Variants in FKBP5 observed in about 807,000 individuals in gnomAD.
FKBP5 encodes FKBP prolyl isomerase 5.
Under a neutral mutation model 50.5 loss-of-function variants are expected in FKBP5, and 23 were observed. The ratio of observed to expected loss-of-function variants is 0.46; its 90% CI spans 0.33 to 0.65. The LOEUF (loss-of-function observed/expected upper bound fraction) is 0.65, where lower values mean the gene tolerates loss of function less well. FKBP5 is among the 30% of genes least tolerant of loss of function. The pLI is 0.02. For missense variants in FKBP5, 411 were observed against 553.1 expected (o/e 0.74, Z 2.58); for synonymous variants, 176 against 190.6 (o/e 0.92, Z 0.63).
intron 3 of FKBP5, among the ~76,000 whole-genome samples, chr6:35,623,562 G>A (rs1426631189): frequency 6.6e-6 from 1 of 151,798 alleles, no homozygotes; most frequent in Non-Finnish European, 1.5e-5. Flanking sequence ...TTTACGAAAT[G>A]GCTACATCAC....
chr6:35,675,163 T>A (rs1421074978), intron 1 of FKBP5, among the ~76,000 whole-genome samples: 3 of 152,240 alleles, frequency 2.0e-5, no homozygotes, highest in African/African-American at 7.2e-5. Context: ...CATGTTATAG[T>A]TGAGGAAACT....
intron 1 of FKBP5, among the ~76,000 whole-genome samples, chr6:35,679,498 A>G (rs550713620): frequency 6.6e-6 from 1 of 152,374 alleles, no homozygotes; most frequent in East Asian, 1.9e-4. Flanking sequence ...GACATCTGTC[A>G]TTCTTCAAAG....
At chr6:35,688,586 C>A (rs1352659938) in intron 1 of FKBP5, 10 of 150,876 alleles carry the variant, frequency 6.6e-5, no homozygotes, top group Non-Finnish European at 1.2e-4. Context: ...CCCTGGGGCG[C>A]GGCGAGGGGC....
chr6:35,591,259 G>T, intron 6 of FKBP5, 39 bp from the exon 7 acceptor site: 1 of 1,403,282 alleles, frequency 7.1e-7, no homozygotes, highest in Non-Finnish European at 1.0e-6. Context: ...TAAAAGGATT[G>T]GTGTATTTCC....
chr6:35,726,933 A>G (rs1318358750), intron 1 of FKBP5, among the ~76,000 whole-genome samples: 1 of 152,220 alleles, frequency 6.6e-6, no homozygotes, highest in Non-Finnish European at 1.5e-5. Flanking sequence ...GAAGAACAGG[A>G]TTAGTAAACA....
chr6:35,633,800 G>A (rs910300045), intron 3 of FKBP5, among the ~76,000 whole-genome samples: 4 of 152,030 alleles, frequency 2.6e-5, no homozygotes, highest in African/African-American at 9.7e-5. Context: ...GCTCTCCACA[G>A]ACTTCTTTTT....
At chr6:35,606,926 C>A (rs1360721021) in intron 5 of FKBP5, among the ~76,000 whole-genome samples, 1 of 152,106 alleles carries the variant, frequency 6.6e-6, no homozygotes, top group Non-Finnish European at 1.5e-5. Context: ...GACATGTTTA[C>A]TGCAGCATTG....
chr6:35,719,872 C>T (rs1054348430), intron 2 of FKBP5, among the ~76,000 whole-genome samples: 1 of 152,204 alleles, frequency 6.6e-6, no homozygotes, highest in African/African-American at 2.4e-5. Flanking sequence ...GGGGGGTTTC[C>T]GTACCCGGCC....
intron 2 of FKBP5, among the ~76,000 whole-genome samples, chr6:35,641,252 G>A (rs751205661): frequency 6.6e-6 from 1 of 152,078 alleles, no homozygotes; most frequent in Non-Finnish European, 1.5e-5. Flanking sequence ...CAGGGTGCTG[G>A]GATTACAGGC....
chr6:35,582,635 C>T, intron 8 of FKBP5: 1 of 980,894 alleles, frequency 1.0e-6, no homozygotes, highest in Non-Finnish European at 1.2e-6. Context: ...GTTGTTGAAG[C>T]CACCCAGTGT....
intron 1 of FKBP5, among the ~76,000 whole-genome samples, chr6:35,688,335 G>T (rs1765895162): frequency 6.6e-6 from 1 of 152,130 alleles, no homozygotes; most frequent in Non-Finnish European, 1.5e-5. Context: ...ACCCGAAAGC[G>T]AAGTTTGGCT....
At position 35,637,102 on chromosome 6, in the gene FKBP5, A is replaced by G. The variant is rs1188335479; in HGVS notation, c.162T>C (p.Tyr54=). The G allele has an allele frequency of 3.1e-6, 5 of 1,611,634 alleles. No homozygotes were observed. The highest frequency in any genetic ancestry group is 4.2e-6 in the Non-Finnish European group (5 of 1,179,498). ...EETPMIGDKV[Y]VHYKGKLSNG... Reference sequence around the variant, plus strand: ...TTGACAATTTTCCTTTGTAATGGACATAAACTTTGTCTCCAATCATCGGCG... The same window carrying G: ...TTGACAATTTTCCTTTGTAATGGACGTAAACTTTGTCTCCAATCATCGGCG... Residue 54 remains tyrosine (Y), a synonymous_variant, in exon 3 of 11, where the codon TAT becomes TAC. Coordinates refer to ENST00000357266, the MANE Select transcript of FKBP5 (RefSeq NM_004117.4).
At chr6:35,624,984 C>A (rs1240586380) in intron 3 of FKBP5, among the ~76,000 whole-genome samples, 3 of 152,222 alleles carry the variant, frequency 2.0e-5, no homozygotes, top group Non-Finnish European at 4.4e-5. Flanking sequence ...TATATGCAAA[C>A]AGAATGGAGA....
chr6:35,685,005 G>A (rs1327599652), intron 1 of FKBP5, among the ~76,000 whole-genome samples: 2 of 151,478 alleles, frequency 1.3e-5, no homozygotes, highest in African/African-American at 4.9e-5. Context: ...AGTCTGCAGT[G>A]AGCCATGATG....
At chr6:35,670,686 C>T (rs1434073288) in intron 1 of FKBP5, among the ~76,000 whole-genome samples, 2 of 150,056 alleles carry the variant, frequency 1.3e-5, no homozygotes, top group African/African-American at 2.5e-5. Flanking sequence ...GAGAAAAGAT[C>T]GTGCCACTGC....
intron 5 of FKBP5, among the ~76,000 whole-genome samples, chr6:35,600,072 T>A (rs531901545): frequency 4.5e-4 from 68 of 152,330 alleles, no homozygotes; most frequent in African/African-American, 1.6e-3. Flanking sequence ...TACTGAATAT[T>A]GTAGGCAACT....
chr6:35,621,397 C>T (rs747231860), intron 3 of FKBP5, among the ~76,000 whole-genome samples: 1 of 151,950 alleles, frequency 6.6e-6, no homozygotes, highest in Non-Finnish European at 1.5e-5. Flanking sequence ...CCAAGACAGG[C>T]GGATCACTTG....
chr6:35,623,102 C>T (rs1241264188), intron 3 of FKBP5, among the ~76,000 whole-genome samples: 1 of 152,126 alleles, frequency 6.6e-6, no homozygotes, highest in African/African-American at 2.4e-5. Flanking sequence ...ATTAGCCAGG[C>T]GTGGTGGCTA....
rs550437689 is a variant in FKBP5, at chr6:35,685,060, C to CA, written c.-20+3743dup. On this transcript the variant is annotated intron_variant, in intron 1 of 10. Transcript: ENST00000357266. Reference sequence around the variant, plus strand: ...TGGGCAATAAAGCAAGACCCCGACTCAAAAAAAAAAAGACTAGAAGTAAAT... The same window carrying CA: ...TGGGCAATAAAGCAAGACCCCGACTCAAAAAAAAAAAAGACTAGAAGTAAAT... Among the ~76,000 whole-genome samples the CA allele has an allele frequency of 4.8e-3, 629 of 130,460 alleles. 8 individuals carry two copies. The highest frequency in any genetic ancestry group is 0.014 in the African/African-American group (490 of 35,062). 85.6% of individuals were successfully genotyped at this position (130,460 alleles called of 152,430 possible).
Sources: allele counts gnomAD v4.1 joint callset (sites outside exome capture counted in the v4.1 genomes callset), GRCh38; gene constraint gnomAD v4.1.1; transcripts MANE v1.5; gene names NCBI Gene and HGNC (gene_info 2026-07-23, HGNC 2026-07-21).